The following PRKG1 variants were observed in gnomAD, a reference collection of about 807,000 sequenced individuals.
The protein encoded by PRKG1 is cGMP-dependent protein kinase 1.
Under a neutral mutation model 88.1 loss-of-function variants are expected in PRKG1, and 35 were observed. That is an observed-to-expected ratio of 0.40 (90% CI 0.30 to 0.53). The LOEUF (loss-of-function observed/expected upper bound fraction) is 0.53. Ranked by LOEUF, PRKG1 falls within the 20% of genes least tolerant of loss-of-function variation. The probability of loss-of-function intolerance (pLI) is 0.59; values close to 1 mark genes in which losing one functional copy is unlikely to be tolerated. For synonymous variants in PRKG1, 303 were observed against 292.5 expected (o/e 1.04, Z -0.37); for missense variants, 540 against 839.8 (o/e 0.64, Z 4.41).
At chr10:51,248,725 G>T (rs1472525837) in intron 2 of PRKG1, among the ~76,000 whole-genome samples, 1 of 151,426 alleles carries the variant, frequency 6.6e-6, no homozygotes, top group African/African-American at 2.4e-5. Flanking sequence ...AAAGTGCATG[G>T]AAAATTGTAA....
chr10:51,698,402 C>T, intron 3 of PRKG1: 1 of 1,614,066 alleles, frequency 6.2e-7, no homozygotes, highest in South Asian at 1.1e-5. Context: ...TCCTAATGGC[C>T]CTCCCCTCAT....
chr10:51,483,713 C>T (rs1239163172), intron 3 of PRKG1, among the ~76,000 whole-genome samples: 3 of 152,170 alleles, frequency 2.0e-5, no homozygotes, highest in Non-Finnish European at 4.4e-5. Context: ...ATGCTGATAG[C>T]AAGGCATTCC....
intron 3 of PRKG1, among the ~76,000 whole-genome samples, chr10:51,653,480 G>A (rs867158091): frequency 3.2e-4 from 49 of 152,118 alleles, no homozygotes; most frequent in East Asian, 5.8e-4. Context: ...GCAATTTTTC[G>A]TATAACTATT....
chr10:52,167,796 A>C (rs1838528207), intron 9 of PRKG1, among the ~76,000 whole-genome samples: 1 of 152,190 alleles, frequency 6.6e-6, no homozygotes, highest in African/African-American at 2.4e-5. Flanking sequence ...GGCTAAAGGG[A>C]TTCATACCTA....
rs1028984150 is a variant in PRKG1 at position 52,081,566 on chromosome 10, C to T, written c.935+18935C>T. On this transcript the variant is annotated intron_variant, in intron 7 of 17. Transcript: ENST00000373980. ...TTTGATTGATTAATCATAATTCATTCAATACTTACCATATGCCATGTACGA... is the reference window on the plus strand; with the variant it reads ...TTTGATTGATTAATCATAATTCATTTAATACTTACCATATGCCATGTACGA... The T allele has an allele frequency of 1.3e-5, 6 of 456,208 alleles. No individual in the cohort carries two copies. The East Asian group carries it at 2.8e-4, about 21-fold the overall frequency. 28.3% of individuals were successfully genotyped at this position (456,208 alleles called of 1,614,324 possible). A position where few individuals can be genotyped will look rare whatever the true frequency, so the allele number is the denominator to read the frequency against.
At chr10:51,750,505 G>A (rs930574683) in intron 3 of PRKG1, among the ~76,000 whole-genome samples, 1 of 152,248 alleles carries the variant, frequency 6.6e-6, no homozygotes, top group East Asian at 1.9e-4. Flanking sequence ...AGATGTAGGT[G>A]CCAGGCAATG....
At chr10:51,582,850 TA>T (rs1396304572) in intron 3 of PRKG1, among the ~76,000 whole-genome samples, 6 of 152,108 alleles carry the variant, frequency 3.9e-5, no homozygotes, top group Non-Finnish European at 8.8e-5. Flanking sequence ...ATTGAGTTCA[TA>T]AAAAAAGAAA....
intron 2 of PRKG1, among the ~76,000 whole-genome samples, chr10:51,228,324 T>A (rs1838746952): frequency 6.6e-6 from 1 of 152,192 alleles, no homozygotes; most frequent in South Asian, 2.1e-4. Flanking sequence ...GACAGGTCTC[T>A]TTTCTGAGGC....
chr10:51,910,873 T>G (rs1341676708), intron 5 of PRKG1: 1 of 152,190 alleles, frequency 6.6e-6, no homozygotes, highest in East Asian at 1.9e-4. Context: ...GATCAGTGAC[T>G]TTTAGTCTCA....
At chr10:52,014,230 C>T (rs911719261) in intron 5 of PRKG1, among the ~76,000 whole-genome samples, 1 of 152,070 alleles carries the variant, frequency 6.6e-6, no homozygotes, top group Non-Finnish European at 1.5e-5. Flanking sequence ...GTTTAATCGA[C>T]TCATGGTTTC....
At chr10:51,364,438 T>C (rs1842548221) in intron 2 of PRKG1, among the ~76,000 whole-genome samples, 1 of 151,978 alleles carries the variant, frequency 6.6e-6, no homozygotes. Context: ...TTTGCCAAGT[T>C]GTGGTATGTG....
chr10:51,468,550 A>G (rs1020114690), intron 3 of PRKG1, among the ~76,000 whole-genome samples: 1 of 151,872 alleles, frequency 6.6e-6, no homozygotes, highest in Non-Finnish European at 1.5e-5. Flanking sequence ...CTGAATAAGT[A>G]TATAATGACT....
intron 4 of PRKG1, among the ~76,000 whole-genome samples, chr10:51,814,559 G>T (rs985929213): frequency 6.6e-6 from 1 of 152,010 alleles, no homozygotes; most frequent in African/African-American, 2.4e-5. Flanking sequence ...TGACAAAGCT[G>T]GTATAGTTTT....
chr10:51,642,814 T>C (rs1467399806), intron 3 of PRKG1, among the ~76,000 whole-genome samples: 7 of 152,332 alleles, frequency 4.6e-5, no homozygotes, highest in South Asian at 4.1e-4. Flanking sequence ...CCTGAACTTA[T>C]TGATTGAACA....
At chr10:51,563,920 T>C (rs1372299750) in intron 3 of PRKG1, among the ~76,000 whole-genome samples, 2 of 152,088 alleles carry the variant, frequency 1.3e-5, no homozygotes, top group African/African-American at 4.8e-5. Context: ...AAGACCCAGA[T>C]ACATGAGATA....
chr10:51,694,772 A>G (rs1381071607), intron 3 of PRKG1, among the ~76,000 whole-genome samples: 3 of 152,190 alleles, frequency 2.0e-5, no homozygotes, highest in African/African-American at 7.2e-5. Context: ...GATTGTGTAG[A>G]AAAACACATA....
intron 4 of PRKG1, among the ~76,000 whole-genome samples, chr10:51,807,241 G>A (rs1445072209): frequency 6.6e-6 from 1 of 152,046 alleles, no homozygotes; most frequent in Non-Finnish European, 1.5e-5. Flanking sequence ...GAAAATGCAG[G>A]ACCTCTTTCA....
chr10:51,211,254 A>G lies in PRKG1; in HGVS notation c.478+57924A>G, dbSNP rs542564254. ...AATAGATGCAGAAAAGGCCTTTGAC[A>G]AAATTCAACAACGCTTCATGCTAAA... On this transcript the variant is annotated intron_variant, in intron 2 of 17. Coordinates refer to ENST00000373980, the MANE Select transcript of PRKG1 (RefSeq NM_006258.4). Among the ~76,000 whole-genome samples the G allele has an allele frequency of 3.3e-5, 5 of 152,296 alleles. No individual in the cohort carries two copies. In the South Asian group the frequency reaches 6.2e-4, roughly 19 times the overall value.
chr10:51,834,896 A>C (rs1840095524), intron 4 of PRKG1, among the ~76,000 whole-genome samples: 1 of 152,138 alleles, frequency 6.6e-6, no homozygotes, highest in African/African-American at 2.4e-5. Context: ...TGGGGCCTCC[A>C]GAAACATCAG....
Sources: allele counts gnomAD v4.1 joint callset (sites outside exome capture counted in the v4.1 genomes callset), GRCh38; gene constraint gnomAD v4.1.1; transcripts MANE v1.5; gene names NCBI Gene and HGNC (gene_info 2026-07-23, HGNC 2026-07-21).